ALCAM: variants seen among roughly 807,000 people sequenced by gnomAD.
ALCAM encodes the protein activated leukocyte cell adhesion molecule, also known as CD166 antigen.
A neutral mutation model predicts 70.9 loss-of-function variants in ALCAM; 30 were observed. That is an observed-to-expected ratio of 0.42 (90% CI 0.32 to 0.57). The LOEUF is 0.57. ALCAM is among the 20% of genes least tolerant of loss of function. ALCAM has a pLI of 0.11. For synonymous variants in ALCAM, 249 were observed against 242.5 expected, an observed-to-expected ratio of 1.03 and a Z score of -0.25; for missense variants, 591 against 695.1, an observed-to-expected ratio of 0.85 and a Z score of 1.68.
At chr3:105,540,305 A>G (rs1940085373) in intron 7 of ALCAM, among the ~76,000 whole-genome samples, 1 of 620 alleles carries the variant, frequency 1.6e-3, no homozygotes, top group Non-Finnish European at 0.02. Flanking sequence ...GACAAAGAGA[A>G]AAAAAAAGCC....
chr3:105,570,585 G>A (rs1940839323), intron 14 of ALCAM, among the ~76,000 whole-genome samples: 1 of 152,114 alleles, frequency 6.6e-6, no homozygotes, highest in Admixed American at 6.5e-5. Context: ...ACATGTCTAA[G>A]CTATGTATAG....
At chr3:105,474,621 G>A (rs759897965) in intron 1 of ALCAM, among the ~76,000 whole-genome samples, 2 of 151,614 alleles carry the variant, frequency 1.3e-5, no homozygotes, top group African/African-American at 4.8e-5. Context: ...GAGAGAGAGC[G>A]AGAAAGAAAA....
chr3:105,522,740 G>A (rs1287473137), intron 2 of ALCAM, among the ~76,000 whole-genome samples: 1 of 152,208 alleles, frequency 6.6e-6, no homozygotes, highest in African/African-American at 2.4e-5. Context: ...ACCTTGGAAA[G>A]TTACTTAACC....
intron 1 of ALCAM, among the ~76,000 whole-genome samples, chr3:105,400,751 A>T (rs910897998): frequency 6.6e-6 from 1 of 152,098 alleles, no homozygotes; most frequent in East Asian, 1.9e-4. Context: ...TTGAGGGAAG[A>T]GAAGAGAAAC....
At chr3:105,398,576 G>A (rs1405499284) in intron 1 of ALCAM, among the ~76,000 whole-genome samples, 1 of 151,976 alleles carries the variant, frequency 6.6e-6, no homozygotes. Flanking sequence ...GATGGCCAGT[G>A]GTTCATTTAT....
intron 1 of ALCAM, among the ~76,000 whole-genome samples, chr3:105,490,557 G>C (rs988688202): frequency 3.9e-5 from 6 of 152,160 alleles, no homozygotes; most frequent in African/African-American, 7.2e-5. Flanking sequence ...GTGCATGTGT[G>C]TTGTTTGTGT....
chr3:105,490,319 T>C (rs1938545897), intron 1 of ALCAM, among the ~76,000 whole-genome samples: 1 of 152,228 alleles, frequency 6.6e-6, no homozygotes, highest in African/African-American at 2.4e-5. Flanking sequence ...GTGACTGTGC[T>C]GAATAAAATA....
Position 105,547,285 on chromosome 3 carries a change from G to T in ALCAM, c.1240+1G>T, listed in dbSNP as rs1165397359. ...GAGTCATTGACTCTCATTGTAGAAG[G>T]TAATAAAATACTTGGGCACTAATTC... On this transcript the variant is annotated splice_donor_variant, in intron 10 of 15. Coordinates refer to ENST00000306107, the MANE Select transcript of ALCAM (RefSeq NM_001627.4). LOFTEE classifies it high-confidence loss of function. 6.3e-7 allele frequency: 1 copy of T among 1,586,694 alleles called. No individual in the cohort carries two copies. The highest frequency in any genetic ancestry group is 8.6e-7 in the Non-Finnish European group (1 of 1,168,566).
chr3:105,566,949 A>C (rs1940756323), intron 14 of ALCAM, among the ~76,000 whole-genome samples: 1 of 152,034 alleles, frequency 6.6e-6, no homozygotes, highest in East Asian at 1.9e-4. Flanking sequence ...TCTGCTGGTG[A>C]TACTTTTTTC....
At chr3:105,396,083 G>A (rs1168388107) in intron 1 of ALCAM, among the ~76,000 whole-genome samples, 1 of 151,760 alleles carries the variant, frequency 6.6e-6, no homozygotes, top group African/African-American at 2.4e-5. Context: ...AAGTAGACTG[G>A]GCAAGCACAA....
intron 1 of ALCAM, among the ~76,000 whole-genome samples, chr3:105,403,598 C>T (rs1012198629): frequency 6.6e-6 from 1 of 152,010 alleles, no homozygotes; most frequent in African/African-American, 2.4e-5. Flanking sequence ...CCTTGAATCC[C>T]AGATCTGCCA....
chr3:105,438,645 T>C (rs1023870548), intron 1 of ALCAM, among the ~76,000 whole-genome samples: 3 of 152,212 alleles, frequency 2.0e-5, no homozygotes, highest in Non-Finnish European at 4.4e-5. Flanking sequence ...CAAGTGTCAC[T>C]GGCAAATGTT....
intron 1 of ALCAM, among the ~76,000 whole-genome samples, chr3:105,488,857 C>A (rs1938504561): frequency 6.6e-6 from 1 of 152,094 alleles, no homozygotes; most frequent in Admixed American, 6.6e-5. Context: ...TTGTTGGACT[C>A]CCGTATTCTC....
At chr3:105,368,223 A>AAGAGAGAGAGAGAG (rs5851454) in intron 1 of ALCAM, among the ~76,000 whole-genome samples, 3,430 of 67,688 alleles carry the variant, frequency 0.051, 370 homozygotes, top group East Asian at 0.065. Context: ...TGAGTCTTGG[A>AAGAGAGAGAGAGAG]AGAGAGAGAG....
intron 1 of ALCAM, among the ~76,000 whole-genome samples, chr3:105,391,414 T>C (rs1162561298): frequency 6.6e-6 from 1 of 152,062 alleles, no homozygotes; most frequent in Admixed American, 6.6e-5. Context: ...TGTTGGTGTA[T>C]AGGAATGCTG....
At chr3:105,506,511 A>G (rs551442345) in intron 1 of ALCAM, among the ~76,000 whole-genome samples, 35 of 152,342 alleles carry the variant, frequency 2.3e-4, no homozygotes, top group African/African-American at 7.9e-4. Flanking sequence ...AGATTCATAA[A>G]CTAAATACAT....
chr3:105,512,061 T>C (rs984731427), intron 1 of ALCAM, among the ~76,000 whole-genome samples: 10 of 152,054 alleles, frequency 6.6e-5, no homozygotes, highest in African/African-American at 2.4e-4. Flanking sequence ...GATGATCTTA[T>C]TGGCTAAAAG....
intron 1 of ALCAM, among the ~76,000 whole-genome samples, chr3:105,460,345 G>T (rs1364319458): frequency 6.6e-6 from 1 of 152,000 alleles, no homozygotes; most frequent in Non-Finnish European, 1.5e-5. Flanking sequence ...GTCAACTCAG[G>T]ATATAGGTTG....
At chr3:105,374,376 T>G (rs1471791970) in intron 1 of ALCAM, among the ~76,000 whole-genome samples, 1 of 152,098 alleles carries the variant, frequency 6.6e-6, no homozygotes, top group African/African-American at 2.4e-5. Flanking sequence ...GCCAATATTG[T>G]GTAACTCTGT....
Sources: allele counts gnomAD v4.1 joint callset (sites outside exome capture counted in the v4.1 genomes callset), GRCh38; gene constraint gnomAD v4.1.1; transcripts MANE v1.5; gene names NCBI Gene and HGNC (gene_info 2026-07-23, HGNC 2026-07-21).